SHISA9: variants seen among roughly 807,000 people sequenced by gnomAD.
SHISA9 encodes the protein protein shisa-9.
A neutral mutation model predicts 38.0 loss-of-function variants in SHISA9; 13 were observed. That is an observed-to-expected ratio of 0.34 (90% CI 0.22 to 0.54). The LOEUF (loss-of-function observed/expected upper bound fraction) is 0.54, where lower values mean the gene tolerates loss of function less well. SHISA9 is among the 20% of genes least tolerant of loss of function. The pLI, the probability that SHISA9 is intolerant of heterozygous loss-of-function variation, is 0.91. For missense variants in SHISA9, 538 were observed against 575.8 expected, an observed-to-expected ratio of 0.93 and a Z score of 0.67; for synonymous variants, 275 against 242.0, an observed-to-expected ratio of 1.14 and a Z score of -1.27.
At chr16:13,086,609 G>A (rs1200639313) in intron 2 of SHISA9, among the ~76,000 whole-genome samples, 2 of 151,968 alleles carry the variant, frequency 1.3e-5, no homozygotes, top group African/African-American at 2.4e-5. Flanking sequence ...GGGCCAAAAT[G>A]GTACTAGTGA....
At chr16:12,939,469 G>A (rs1352727311) in intron 2 of SHISA9, among the ~76,000 whole-genome samples, 1 of 152,170 alleles carries the variant, frequency 6.6e-6, no homozygotes, top group African/African-American at 2.4e-5. Context: ...ACCCTTGTGT[G>A]CACTGGTCAC....
chr16:13,231,606 C>A (rs536428966), intron 4 of SHISA9, among the ~76,000 whole-genome samples: 1 of 152,202 alleles, frequency 6.6e-6, no homozygotes, highest in Non-Finnish European at 1.5e-5. Context: ...TCTTGAAAGG[C>A]TTTATCAGTC....
At chr16:13,518,889 G>C in the SHISA9 span, among the ~76,000 whole-genome samples, 64 of 152,294 alleles carry the variant, frequency 4.2e-4, no homozygotes, top group East Asian at 7.9e-3. Flanking sequence ...GAGGTGGAAG[G>C]GTAAGAGAGG....
At chr16:13,554,743 C>T in the SHISA9 span, among the ~76,000 whole-genome samples, 749 of 152,272 alleles carry the variant, frequency 4.9e-3, 10 homozygotes, top group African/African-American at 0.017. Context: ...CCACCTGCTT[C>T]GGCCTCCCAA....
intron 2 of SHISA9, among the ~76,000 whole-genome samples, chr16:12,955,110 T>G (rs2071811643): frequency 6.6e-6 from 1 of 152,156 alleles, no homozygotes; most frequent in Admixed American, 6.5e-5. Flanking sequence ...CCTGAGAGTT[T>G]TGTAAGCCTC....
intron 2 of SHISA9, among the ~76,000 whole-genome samples, chr16:12,954,874 T>C (rs2071807643): frequency 6.6e-6 from 1 of 152,144 alleles, no homozygotes; most frequent in Non-Finnish European, 1.5e-5. Flanking sequence ...TATGTGCACA[T>C]GTGTTATTTC....
rs888911232 is a variant in SHISA9, at chr16:13,161,900, A to G, written c.692-41494A>G. Among the ~76,000 whole-genome samples, 4 of 151,992 alleles carry G rather than the reference A, an allele frequency of 2.6e-5. No homozygotes were observed. The South Asian group carries it at 8.3e-4, about 31-fold the overall frequency. On this transcript the variant is annotated intron_variant, in intron 2 of 4. Transcript: ENST00000558583. ...CTTTCTAGTTTGCTGAAAGTTTTTT[A>G]TTGGTGATACACATTGCATTTCATT...
At chr16:13,135,032 A>C (rs927299776) in intron 2 of SHISA9, among the ~76,000 whole-genome samples, 2 of 152,162 alleles carry the variant, frequency 1.3e-5, no homozygotes, top group African/African-American at 4.8e-5. Flanking sequence ...CTTGCTGTCA[A>C]TTCACTGGCC....
intron 2 of SHISA9, among the ~76,000 whole-genome samples, chr16:13,073,765 G>A (rs1278738538): frequency 1.3e-5 from 2 of 152,144 alleles, no homozygotes; most frequent in Non-Finnish European, 2.9e-5. Flanking sequence ...AGGATTCACA[G>A]AGAAGGCCAT....
At chr16:13,330,720 CTTG>C in the SHISA9 span, among the ~76,000 whole-genome samples, 169 of 152,264 alleles carry the variant, frequency 1.1e-3, 1 homozygote, top group Non-Finnish European at 1.9e-3. Flanking sequence ...TTAAGCAACC[CTTG>C]TTGTGGGTGT....
the SHISA9 span, among the ~76,000 whole-genome samples, chr16:13,299,400 C>G: frequency 6.6e-6 from 1 of 152,110 alleles, no homozygotes; most frequent in Admixed American, 6.6e-5. Flanking sequence ...TGCTTAAAGT[C>G]GCACAGCTGG....
chr16:13,554,950 C>A, the SHISA9 span, among the ~76,000 whole-genome samples: 1 of 152,178 alleles, frequency 6.6e-6, no homozygotes. Context: ...GGGTTAAATC[C>A]CATTTGAGGC....
intron 2 of SHISA9, among the ~76,000 whole-genome samples, chr16:13,111,913 C>G (rs1489962446): frequency 6.6e-6 from 1 of 152,108 alleles, no homozygotes; most frequent in East Asian, 1.9e-4. Flanking sequence ...CCCATTTCAT[C>G]TTGTATTTGC....
At chr16:13,215,861 C>T (rs1344375697) in intron 4 of SHISA9, among the ~76,000 whole-genome samples, 8 of 152,056 alleles carry the variant, frequency 5.3e-5, no homozygotes, top group African/African-American at 9.7e-5. Context: ...TTTGTGTGCC[C>T]CCACCTTCCA....
At chr16:13,124,020 G>A (rs1472468395) in intron 2 of SHISA9, among the ~76,000 whole-genome samples, 1 of 152,146 alleles carries the variant, frequency 6.6e-6, no homozygotes, top group East Asian at 1.9e-4. Flanking sequence ...CCTGCAGCTG[G>A]GAATACTCCC....
chr16:13,204,311 G>A (rs751275826), intron 3 of SHISA9, among the ~76,000 whole-genome samples: 12 of 151,996 alleles, frequency 7.9e-5, no homozygotes, highest in Non-Finnish European at 1.8e-4. Flanking sequence ...ACCCTCAGCT[G>A]CTTTCTCTGA....
chr16:13,299,302 T>A, the SHISA9 span, among the ~76,000 whole-genome samples: 1 of 152,226 alleles, frequency 6.6e-6, no homozygotes, highest in African/African-American at 2.4e-5. Context: ...TAGACCCTCC[T>A]TCACTCTTCG....
At chr16:13,126,110 T>C (rs1287980844) in intron 2 of SHISA9, among the ~76,000 whole-genome samples, 1 of 152,224 alleles carries the variant, frequency 6.6e-6, no homozygotes, top group Non-Finnish European at 1.5e-5. Flanking sequence ...TTATAGCCTA[T>C]TGGAAACTCA....
chr16:13,164,094 A>G (rs938746959), intron 2 of SHISA9, among the ~76,000 whole-genome samples: 1 of 152,020 alleles, frequency 6.6e-6, no homozygotes, highest in Non-Finnish European at 1.5e-5. Flanking sequence ...ATCTCCCACT[A>G]TTAAGTATGG....
Sources: allele counts gnomAD v4.1 joint callset (sites outside exome capture counted in the v4.1 genomes callset), GRCh38; gene constraint gnomAD v4.1.1; transcripts MANE v1.5; gene names NCBI Gene and HGNC (gene_info 2026-07-23, HGNC 2026-07-21).